Variants in TENM1 observed in about 807,000 individuals in gnomAD.
TENM1 encodes teneurin-1.
A neutral mutation model predicts 174.8 loss-of-function variants in TENM1; 35 were observed. That is an observed-to-expected ratio of 0.20 (90% CI 0.15 to 0.27). The LOEUF (loss-of-function observed/expected upper bound fraction) is 0.27. Ranked by LOEUF, TENM1 falls within the 10% of genes least tolerant of loss-of-function variation. The probability of loss-of-function intolerance (pLI) is 1.00; values close to 1 mark genes in which losing one functional copy is unlikely to be tolerated. For missense variants in TENM1, 1,633 were observed against 2,130.1 expected (o/e 0.77, Z 4.59); for synonymous variants, 781 against 798.7 (o/e 0.98, Z 0.37).
chrX:124,412,644 C>T (rs1227168102), intron 25 of TENM1, among the ~76,000 whole-genome samples: 2 of 112,640 alleles, frequency 1.8e-5, no homozygotes, highest in Non-Finnish European at 3.7e-5. Context: ...CCCCTTTCCT[C>T]ACTAATAAAT....
the TENM1 span, among the ~76,000 whole-genome samples, chrX:125,035,424 G>T: frequency 9.0e-6 from 1 of 111,692 alleles, no homozygotes; most frequent in South Asian, 3.7e-4. Context: ...GTGACTCCAT[G>T]AGTCCATGAC....
chrX:124,392,724 A>G (rs1053543398), intron 27 of TENM1, among the ~76,000 whole-genome samples: 1 of 112,163 alleles, frequency 8.9e-6, no homozygotes, highest in Non-Finnish European at 1.9e-5. Context: ...TGAAGTGGCC[A>G]TAACATAAAA....
At chrX:124,905,065 C>G (rs762776043) in intron 1 of TENM1, among the ~76,000 whole-genome samples, 2 of 111,088 alleles carry the variant, frequency 1.8e-5, no homozygotes, top group Non-Finnish European at 3.8e-5. Flanking sequence ...TGGCTCTTGA[C>G]TATAATCCCA....
the TENM1 span, among the ~76,000 whole-genome samples, chrX:125,086,362 A>G: frequency 9.0e-6 from 1 of 111,018 alleles, no homozygotes; most frequent in African/African-American, 3.3e-5. Flanking sequence ...AAAACCTAGG[A>G]ATTAATTTGG....
At chrX:125,130,689 C>T in the TENM1 span, among the ~76,000 whole-genome samples, 1 of 103,858 alleles carries the variant, frequency 9.6e-6, no homozygotes, top group Non-Finnish European at 2.0e-5. Flanking sequence ...GCTTTATATA[C>T]AAGCTGACTT....
intron 3 of TENM1, among the ~76,000 whole-genome samples, chrX:124,822,821 T>C (rs2056069878): frequency 8.9e-6 from 1 of 111,861 alleles, no homozygotes; most frequent in African/African-American, 3.2e-5. Flanking sequence ...CAAGCACACA[T>C]TTGTCATGGG....
intron 3 of TENM1, among the ~76,000 whole-genome samples, chrX:124,786,748 T>A (rs2055046106): frequency 9.0e-6 from 1 of 111,495 alleles, no homozygotes; most frequent in African/African-American, 3.3e-5. Context: ...GTTAGTTTTT[T>A]ACTGAGCAAC....
At chrX:125,172,457 A>T in the TENM1 span, among the ~76,000 whole-genome samples, 95 of 111,468 alleles carry the variant, frequency 8.5e-4, no homozygotes, top group African/African-American at 3.0e-3. Flanking sequence ...CTTAAATTAC[A>T]TAGAAGCTGT....
the TENM1 span, among the ~76,000 whole-genome samples, chrX:125,054,764 C>G: frequency 2.7e-5 from 3 of 111,258 alleles, no homozygotes; most frequent in African/African-American, 9.8e-5. Context: ...AGGAAGATAC[C>G]AGAGAATAGA....
the TENM1 span, among the ~76,000 whole-genome samples, chrX:125,048,243 A>AC: frequency 3.1e-5 from 2 of 64,224 alleles, no homozygotes; most frequent in Non-Finnish European, 5.6e-5. Flanking sequence ...GTTTCGAAGC[A>AC]TTTTTTTTTT....
At chrX:125,006,075 T>C in the TENM1 span, among the ~76,000 whole-genome samples, 1 of 111,606 alleles carries the variant, frequency 9.0e-6, no homozygotes, top group Admixed American at 9.5e-5. Context: ...TCTTGCTCAG[T>C]GGGTCTGACT....
chrX:124,487,971 A>G (rs2266902), intron 20 of TENM1, among the ~76,000 whole-genome samples: 11,745 of 112,035 alleles, frequency 0.1, 883 homozygotes, highest in African/African-American at 0.25. Flanking sequence ...AACAACTTCA[A>G]TAAAACACAT....
chrX:124,999,992 T>C, the TENM1 span, among the ~76,000 whole-genome samples: 1 of 111,312 alleles, frequency 9.0e-6, no homozygotes. Context: ...TTAACAAGTA[T>C]GAACTTTCTG....
Position 124,491,014 on chromosome X carries a change from G to A in TENM1, c.3696-3785C>T, listed in dbSNP as rs184690507. On this transcript the variant is annotated intron_variant, in intron 20 of 31. Transcript: ENST00000422452. ...TGAAGGACTTGTAGATGTTTAGACT[G>A]AGGAAGATAAAGCTCAGGAACCTAT... Among the ~76,000 whole-genome samples the A allele has an allele frequency of 8.9e-5, 10 of 112,148 alleles. No individual in the cohort carries two copies. In the East Asian group the frequency reaches 2.5e-3, roughly 28 times the overall value.
intron 3 of TENM1, among the ~76,000 whole-genome samples, chrX:124,776,011 T>G (rs955659819): frequency 7.1e-5 from 8 of 112,150 alleles, no homozygotes; most frequent in Non-Finnish European, 1.3e-4. Flanking sequence ...ACATCTTTAT[T>G]GTTGAAGACA....
intron 18 of TENM1, among the ~76,000 whole-genome samples, chrX:124,508,190 T>C (rs16999245): frequency 0.15 from 16,531 of 111,766 alleles, 958 homozygotes; most frequent in Middle Eastern, 0.2. Context: ...GATTCTTCTA[T>C]CTTTCCCTAT....
chrX:125,111,743 T>A, the TENM1 span, among the ~76,000 whole-genome samples: 1 of 111,252 alleles, frequency 9.0e-6, no homozygotes, highest in South Asian at 3.7e-4. Flanking sequence ...AGTTTTAGAG[T>A]CAACACATTT....
chrX:125,029,571 A>G, the TENM1 span, among the ~76,000 whole-genome samples: 1 of 111,874 alleles, frequency 8.9e-6, no homozygotes, highest in Non-Finnish European at 1.9e-5. Flanking sequence ...TGGTCAGATT[A>G]CAAAATCCAT....
intron 6 of TENM1, among the ~76,000 whole-genome samples, chrX:124,657,979 G>A (rs762592866): frequency 2.4e-4 from 27 of 112,011 alleles, no homozygotes; most frequent in Non-Finnish European, 4.9e-4. Flanking sequence ...TGTGTCTCAC[G>A]ATATAAGTAT....
Sources: gnomAD v4.1 joint callset for allele counts (sites outside exome capture counted in the v4.1 genomes callset) on GRCh38, gnomAD v4.1.1 for gene constraint, MANE v1.5 for transcripts, NCBI Gene and HGNC (gene_info 2026-07-23, HGNC 2026-07-21) for gene names.